The following GRHPR variants were observed in gnomAD, a reference collection of about 807,000 sequenced individuals.
GRHPR encodes glyoxylate reductase/hydroxypyruvate reductase.
A neutral mutation model predicts 36.8 loss-of-function variants in GRHPR; 35 were observed. The ratio of observed to expected loss-of-function variants is 0.95; its 90% confidence interval spans 0.73 to 1.26. The LOEUF (loss-of-function observed/expected upper bound fraction) is 1.26, where lower values mean the gene tolerates loss of function less well. GRHPR is among the 50% of genes most tolerant of loss of function. The probability of loss-of-function intolerance (pLI) is 0.00; values close to 1 mark genes in which losing one functional copy is unlikely to be tolerated. For synonymous variants in GRHPR, 179 were observed against 181.0 expected (o/e 0.99, Z 0.09); for missense variants, 380 against 435.0 (o/e 0.87, Z 1.12).
At chr9:37,424,391 G>A (rs1197694231) in intron 1 of GRHPR, among the ~76,000 whole-genome samples, 2 of 152,258 alleles carry the variant, frequency 1.3e-5, no homozygotes, top group African/African-American at 4.8e-5. Context: ...TGGAAGCGTT[G>A]GGTGGCCTTG....
chr9:37,429,621 G>A (rs1313910549), intron 5 of GRHPR, 111 bp from the exon 6 acceptor site: 2 of 802,714 alleles, frequency 2.5e-6, no homozygotes, highest in East Asian at 2.4e-5. Context: ...AGGCAACTCG[G>A]GCTGTGCTGA....
At chr9:37,438,518 A>T (rs1443572818), downstream of GRHPR, 4 of 152,314 alleles carry the variant, frequency 2.6e-5, 1 homozygote. Context: ...AAGCCCCAAA[A>T]GCAAAGTCCA....
In GRHPR at chr9:37,429,523, C is replaced by T. The variant is rs1823247163; in HGVS notation, c.494-209C>T. ...AGCCTCAGGGGAGCTGAGGTGCTGT[C>T]TCCAGATCCCTGGGGCAGTGTGGGC... is the stretch of plus-strand genomic sequence containing the variant. On this transcript the variant is annotated intron_variant, in intron 5 of 8. Coordinates refer to ENST00000318158, the MANE Select transcript of GRHPR (RefSeq NM_012203.2). The T allele has an allele frequency of 1.4e-5, 9 of 641,414 alleles. No individual in the cohort carries two copies. The South Asian group carries it at 1.5e-4, about 11-fold the overall frequency. The allele number at this position is 641,414 out of a possible 1,614,324, so 39.7% of individuals were successfully genotyped here. A position where few individuals can be genotyped will look rare whatever the true frequency, so the allele number is the denominator to read the frequency against.
chr9:37,422,737 C>G lies in GRHPR; in HGVS notation c.-14C>G. The G allele has an allele frequency of 6.4e-7, 1 of 1,563,596 alleles. No homozygotes were observed. On this transcript the variant is annotated 5_prime_UTR_variant, in exon 1 of 9. Transcript: ENST00000318158. ...TTCTGTACTGCCAGGTCCGGGTCGG[C>G]GGCTGCACTGCGGATGAGACCGGTG...
chr9:37,436,607 A>T (rs1009531603), intron 8 of GRHPR, 54 bp from the exon 9 acceptor site: 2 of 1,608,574 alleles, frequency 1.2e-6, no homozygotes, highest in Non-Finnish European at 8.5e-7. Context: ...AGCCCAGCTG[A>T]AGGCTGCTGA....
At chr9:37,429,417 C>T (rs936905119) in intron 5 of GRHPR, 3 of 419,470 alleles carry the variant, frequency 7.2e-6, no homozygotes, top group Non-Finnish European at 1.4e-5. Context: ...GTGAAAACCT[C>T]TCCAGTTCTC....
chr9:37,424,743 C>T lies in GRHPR; in HGVS notation c.84-102C>T, dbSNP rs902317610. The T allele has an allele frequency of 4.3e-6, 6 of 1,396,326 alleles. No individual in the cohort carries two copies. In the Admixed American group the frequency reaches 1.2e-4, roughly 28 times the overall value. 86.5% of individuals were successfully genotyped at this position (1,396,326 alleles called of 1,614,324 possible). A position where few individuals can be genotyped will look rare whatever the true frequency, so the allele number is the denominator to read the frequency against. ...CTGCCTCCCCTCAGCCAGCCCCGGG[C>T]AGCCTGAGGCCAGGGCCATCAGAGG... On this transcript the variant is annotated intron_variant, in intron 1 of 8. Coordinates refer to ENST00000318158, the MANE Select transcript of GRHPR (RefSeq NM_012203.2).
chr9:37,429,645 C>G (rs1436925216), intron 5 of GRHPR, 87 bp from the exon 6 acceptor site: 1 of 887,534 alleles, frequency 1.1e-6, no homozygotes, highest in Non-Finnish European at 1.9e-6. Context: ...AAAGGGTCTG[C>G]CCTGAGGGCC....
rs139925598 is a variant in GRHPR, at chr9:37,430,214, G to A, written c.599-297G>A. On this transcript the variant is annotated intron_variant, in intron 6 of 8. Transcript: ENST00000318158. ...TTTGTGTGCGCCCCTTAGTCCAGGC[G>A]GATCCAGCACCTGGCGGGTCCACAG... 7.0e-4 allele frequency: 385 copies of A among 553,196 alleles called. 1 individual carries two copies. The highest frequency in any genetic ancestry group is 6.9e-3 in the African/African-American group (364 of 53,058). The allele number at this position is 553,196 out of a possible 1,614,324, so 34.3% of individuals were successfully genotyped here.
At chr9:37,422,925 G>C (rs921520361) in intron 1 of GRHPR, 92 bp downstream of exon 1, 1 of 940,328 alleles carries the variant, frequency 1.1e-6, no homozygotes, top group South Asian at 1.5e-5. Flanking sequence ...GCCGGCTGGG[G>C]CAGGCTTGGA....
At position 37,430,435 on chromosome 9, in the gene GRHPR, C is replaced by T. The variant is rs1823305187; in HGVS notation, c.599-76C>T. 16 of 1,279,116 alleles carry T rather than the reference C, an allele frequency of 1.3e-5. No individual in the cohort carries two copies. In the Admixed American group the frequency reaches 2.5e-4, roughly 20 times the overall value. 79.2% of individuals were successfully genotyped at this position (1,279,116 alleles called of 1,614,324 possible). ...GGAGTTTCTGTTAGGGAGTCGGGAG[C>T]AAGGGGCTGGTCTCCCGCCATCTGG... On this transcript the variant is annotated intron_variant, in intron 6 of 8. Coordinates refer to ENST00000318158, the MANE Select transcript of GRHPR (RefSeq NM_012203.2).
rs1426568734 is a variant in GRHPR, at chr9:37,422,717, T to A, written c.-34T>A. The A allele has an allele frequency of 6.6e-7, 1 of 1,508,690 alleles. No homozygotes were observed. The highest frequency in any genetic ancestry group is 1.9e-5 in the Admixed American group (1 of 52,808). 93.5% of individuals were successfully genotyped at this position (1,508,690 alleles called of 1,614,324 possible). On this transcript the variant is annotated 5_prime_UTR_variant, in exon 1 of 9. Coordinates refer to ENST00000318158, the MANE Select transcript of GRHPR (RefSeq NM_012203.2). ...AGCTACATTCCCGGGCCAGCTTCTG[T>A]ACTGCCAGGTCCGGGTCGGCGGCTG...
intron 4 of GRHPR, among the ~76,000 whole-genome samples, chr9:37,427,346 G>T (rs1823129367): frequency 6.6e-6 from 1 of 152,156 alleles, no homozygotes; most frequent in Non-Finnish European, 1.5e-5. Flanking sequence ...ACTATTTAAG[G>T]CTTTTATTTC....
chr9:37,437,987 T>TTAAC (rs1429143306), downstream of GRHPR: 2 of 152,210 alleles, frequency 1.3e-5, no homozygotes, highest in Admixed American at 1.3e-4. Flanking sequence ...GAACGACCAA[T>TTAAC]TAACTGTTAA....
chr9:37,429,970 TTAATC>T (rs1823281273), intron 6 of GRHPR, 134 bp downstream of exon 6: 1 of 700,676 alleles, frequency 1.4e-6, no homozygotes, highest in South Asian at 1.5e-5. Flanking sequence ...TGGTAGATGT[TTAATC>T]TACCTGCCCC....
chr9:37,433,423 G>A (rs955935516), intron 8 of GRHPR, among the ~76,000 whole-genome samples: 5 of 152,084 alleles, frequency 3.3e-5, no homozygotes, highest in Middle Eastern at 3.4e-3. Context: ...TAGTAGAGAT[G>A]GGGTTTGTCC....
At chr9:37,433,917 A>G (rs1823502518) in intron 8 of GRHPR, 4 of 397,266 alleles carry the variant, frequency 1.0e-5, no homozygotes, top group African/African-American at 4.1e-5. Flanking sequence ...TCCCCAGTGA[A>G]TGCTCCCATT....
chr9:37,428,757 A>C (rs978452673), intron 5 of GRHPR, 185 bp downstream of exon 5: 1 of 698,686 alleles, frequency 1.4e-6, no homozygotes, highest in Non-Finnish European at 2.6e-6. Context: ...AAACCAAAGC[A>C]GGATTCCTTA....
chr9:37,424,256 C>A (rs1424991881), intron 1 of GRHPR, among the ~76,000 whole-genome samples: 4 of 152,210 alleles, frequency 2.6e-5, no homozygotes, highest in African/African-American at 7.2e-5. Context: ...TCAGGAGGTG[C>A]AAGTAGCTAT....
Sources: allele counts gnomAD v4.1 joint callset (sites outside exome capture counted in the v4.1 genomes callset), GRCh38; gene constraint gnomAD v4.1.1; transcripts MANE v1.5; gene names NCBI Gene and HGNC (gene_info 2026-07-23, HGNC 2026-07-21).